MYO9B: variants seen among roughly 807,000 people sequenced by gnomAD.
MYO9B encodes the protein unconventional myosin-IXb.
A neutral mutation model predicts 229.5 loss-of-function variants in MYO9B; 71 were observed. That is an observed-to-expected ratio of 0.31 (90% confidence interval 0.26 to 0.38). The LOEUF is 0.38. Ranked by LOEUF, MYO9B falls within the 10% of genes least tolerant of loss-of-function variation. The pLI, the probability that MYO9B is intolerant of heterozygous loss-of-function variation, is 1.00. For synonymous variants in MYO9B, 1,185 were observed against 1,235.8 expected (o/e 0.96, Z 0.86); for missense variants, 2,255 against 2,920.5 (o/e 0.77, Z 5.25).
chr19:17,181,797 C>T (rs956212086), intron 15 of MYO9B, among the ~76,000 whole-genome samples: 10 of 152,052 alleles, frequency 6.6e-5, no homozygotes, highest in African/African-American at 7.2e-5. Flanking sequence ...TTTTTTGAGA[C>T]GGAGTTTCAC....
In MYO9B at chr19:17,202,357, C is replaced by T; in HGVS notation, c.4836+54C>T. 2.0e-6 allele frequency: 3 copies of T among 1,473,732 alleles called. No homozygotes were observed. In the Admixed American group the frequency reaches 6.8e-5, roughly 33 times the overall value. The allele number at this position is 1,473,732 out of a possible 1,614,324, so 91.3% of individuals were successfully genotyped here. ...TGTGACATGCCACGCCTACCCATGC[C>T]TCGCCATCCTTAGCCACGCCCACCC... On this transcript the variant is annotated intron_variant, in intron 28 of 39. Transcript: ENST00000682292.
At chr19:17,098,027 T>G (rs945762138) in intron 1 of MYO9B, among the ~76,000 whole-genome samples, 1 of 145,984 alleles carries the variant, frequency 6.9e-6, no homozygotes, top group African/African-American at 2.6e-5. Flanking sequence ...GTGAACGAAC[T>G]CCTCTTCATC....
intron 29 of MYO9B, 96 bp from the exon 30 acceptor site, chr19:17,203,051 A>G: frequency 7.3e-7 from 1 of 1,369,718 alleles, no homozygotes; most frequent in Non-Finnish European, 1.0e-6. Context: ...AGTCTTGAAT[A>G]AGTCACCCCT....
intron 10 of MYO9B, among the ~76,000 whole-genome samples, chr19:17,167,358 C>T (rs541837725): frequency 9.2e-5 from 14 of 152,002 alleles, no homozygotes; most frequent in South Asian, 2.1e-4. Flanking sequence ...GTCTTGAACT[C>T]CTGGCCTCAA....
At chr19:17,108,507 A>G (rs1352111358) in intron 2 of MYO9B, among the ~76,000 whole-genome samples, 1 of 152,104 alleles carries the variant, frequency 6.6e-6, no homozygotes, top group Non-Finnish European at 1.5e-5. Context: ...CGCAGGTGTG[A>G]CACCCAGAAG....
chr19:17,109,126 C>T (rs1485456797), intron 2 of MYO9B, among the ~76,000 whole-genome samples: 2 of 150,940 alleles, frequency 1.3e-5, no homozygotes, highest in Admixed American at 6.6e-5. Context: ...AGTGCAGTGG[C>T]GCGATCTCGG....
At chr19:17,082,539 C>T (rs888663766) in intron 1 of MYO9B, among the ~76,000 whole-genome samples, 2 of 152,038 alleles carry the variant, frequency 1.3e-5, no homozygotes, top group Non-Finnish European at 2.9e-5. Context: ...CAGACGAGAT[C>T]GGGGGCAGGA....
At chr19:17,149,812 G>A (rs2072457134) in intron 3 of MYO9B, among the ~76,000 whole-genome samples, 1 of 152,170 alleles carries the variant, frequency 6.6e-6, no homozygotes, top group Non-Finnish European at 1.5e-5. Context: ...TTTAGGCCCA[G>A]GCCTTGAAAA....
chr19:17,110,097 C>T (rs973100721), intron 2 of MYO9B, among the ~76,000 whole-genome samples: 3 of 152,156 alleles, frequency 2.0e-5, no homozygotes, highest in African/African-American at 7.2e-5. Flanking sequence ...CTCGCTGCAT[C>T]GATTGGGGAT....
chr19:17,191,149 G>A lies in MYO9B; in HGVS notation c.2741G>A (p.Arg914Lys), dbSNP rs773817586. Residue 914 changes from arginine (R) to lysine (K), a missense_variant, in exon 20 of 40, where the codon AGG (arginine) becomes AAG (lysine). Coordinates refer to ENST00000682292, the MANE Select transcript of MYO9B (RefSeq NM_004145.4). Reference protein sequence around the residue: ...VLLPKDAQPCREVISTLLEKM... With the variant: ...VLLPKDAQPCKEVISTLLEKM... ...CTGCCCAAGGATGCCCAGCCCTGCAGGGAGGTCATCTCCACCCTCCTGGAG... is the reference window on the plus strand; with the variant it reads ...CTGCCCAAGGATGCCCAGCCCTGCAAGGAGGTCATCTCCACCCTCCTGGAG... The A allele has an allele frequency of 6.2e-7, 1 of 1,612,674 alleles. No individual in the cohort carries two copies. The highest frequency in any genetic ancestry group is 1.1e-5 in the South Asian group (1 of 90,864).
chr19:17,194,825 T>C lies in MYO9B; in HGVS notation c.3398T>C (p.Val1133Ala). The C allele has an allele frequency of 3.1e-6, 5 of 1,613,146 alleles. No homozygotes were observed. Among genetic ancestry groups the C allele is most frequent in the African/African-American group, 1.3e-5 (1 of 74,970 alleles). The change falls in exon 22 of 40, where the codon GTG (valine) becomes GCG (alanine). Residue 1133 changes from valine to alanine, a missense_variant. Physicochemically the swap from Val to Ala is moderately conservative, Grantham distance 64 (BLOSUM62 0). Around this residue, in one of 7 missense-constraint regions of MYO9B, gnomAD observed 679 missense variants for 770.2 expected, o/e 0.88. Transcript: ENST00000682292. ...PEKTLPPQKT[V>A]AAESHEKVPS... Reference sequence around the variant, plus strand: ...AAGACTCTCCCACCCCAGAAAACCGTGGCGGCTGAAAGTCACGAGAAAGTC... The same window carrying C: ...AAGACTCTCCCACCCCAGAAAACCGCGGCGGCTGAAAGTCACGAGAAAGTC...
At chr19:17,106,066 A>C (rs1182254378) in intron 2 of MYO9B, among the ~76,000 whole-genome samples, 2 of 149,980 alleles carry the variant, frequency 1.3e-5, no homozygotes, top group Non-Finnish European at 2.9e-5. Context: ...GCAGTGGCAC[A>C]ATCATAACTC....
In MYO9B at chr19:17,211,673, A is replaced by G; in HGVS notation, c.5957A>G (p.Glu1986Gly). 1 of 1,608,718 alleles carries G rather than the reference A, an allele frequency of 6.2e-7. No individual in the cohort carries two copies. Among genetic ancestry groups the G allele is most frequent in the Non-Finnish European group, 8.5e-7 (1 of 1,177,956 alleles). The change falls in exon 39 of 40, where the codon GAG becomes GGG. Residue 1986 changes from glutamate to glycine, a missense_variant. This residue lies in a region of MYO9B where 331 missense variants were observed against 332.5 expected (regional missense o/e 1.00). Coordinates refer to ENST00000682292, the MANE Select transcript of MYO9B (RefSeq NM_004145.4). ...EKEDITYRLPELDPRGSDEEN... is the reference protein window; with the variant it reads ...EKEDITYRLPGLDPRGSDEEN... The stretch of plus-strand genomic sequence containing the variant: ...GAGGACATCACCTACCGGCTGCCGG[A>G]GCTGGACCCAAGGGGCTCGGACGAG...
intron 2 of MYO9B, among the ~76,000 whole-genome samples, chr19:17,106,001 G>A (rs2057789513): frequency 1.0e-5 from 1 of 95,448 alleles, no homozygotes; most frequent in Non-Finnish European, 1.9e-5. Flanking sequence ...CCCTCTCCTC[G>A]CCTCTCCTCT....
At chr19:17,194,213 A>G (rs2073016213) in intron 21 of MYO9B, among the ~76,000 whole-genome samples, 1 of 145,784 alleles carries the variant, frequency 6.9e-6, no homozygotes, top group African/African-American at 2.5e-5. Context: ...CAAAACAAAA[A>G]GCCTCCTAGA....
chr19:17,205,239 A>G, intron 30 of MYO9B, 24 bp from the exon 31 acceptor site: 3 of 1,609,336 alleles, frequency 1.9e-6, no homozygotes, highest in Non-Finnish European at 2.5e-6. Context: ...ACCCTCTGTG[A>G]CTCCCACCCT....
chr19:17,132,524 TA>T lies in MYO9B; in HGVS notation c.841-12872del, dbSNP rs1165693898. 6.4e-3 allele frequency among the ~76,000 whole-genome samples: 721 copies of T among 113,364 alleles called. 3 individuals are homozygous for T. Among genetic ancestry groups the T allele is most frequent in the Non-Finnish European group, 8.3e-3 (473 of 57,120 alleles). 74.4% of individuals were successfully genotyped at this position (113,364 alleles called of 152,430 possible). On this transcript the variant is annotated intron_variant, in intron 2 of 39. Coordinates refer to ENST00000682292, the MANE Select transcript of MYO9B (RefSeq NM_004145.4). ...TATTTATTTATTTATTTATTATTATTATTTTTTTTTTTTTTTTTTTTTGAGA... is the reference window on the plus strand; with the variant it reads ...TATTTATTTATTTATTTATTATTATTTTTTTTTTTTTTTTTTTTTTTGAGA...
intron 10 of MYO9B, 36 bp from the exon 11 acceptor site, chr19:17,167,907 G>C (rs1285623566): frequency 1.3e-6 from 2 of 1,550,700 alleles, no homozygotes; most frequent in African/African-American, 2.7e-5. Context: ...ATATCTGGGA[G>C]ATAAGAAACT....
Position 17,184,878 on chromosome 19 carries a change from C to T in MYO9B, c.2387C>T (p.Ser796Phe). The T allele has an allele frequency of 6.2e-7, 1 of 1,613,860 alleles. No individual in the cohort carries two copies. The highest frequency in any genetic ancestry group is 8.5e-7 in the Non-Finnish European group (1 of 1,179,814). ...KQIIPKNLLD[S>F]KSLKLIISMT... ...TGTCTGTCCTAGAACCTACTGGACT[C>T]CAAGTCCCTGAAACTCATCATCAGC... Residue 796 changes from serine to phenylalanine, a missense_variant, in exon 17 of 40, where the codon TCC (serine) becomes TTC (phenylalanine). Physicochemically the swap from Ser to Phe is radical, Grantham distance 155. Coordinates refer to ENST00000682292, the MANE Select transcript of MYO9B (RefSeq NM_004145.4).
Sources: allele counts gnomAD v4.1 joint callset (sites outside exome capture counted in the v4.1 genomes callset), GRCh38; gene constraint gnomAD v4.1.1; regional missense constraint gnomAD v4.1.1; transcripts MANE v1.5; gene names NCBI Gene and HGNC (gene_info 2026-07-23, HGNC 2026-07-21).